The following RSPH14 variants were observed in gnomAD, a reference collection of about 807,000 sequenced individuals.
RSPH14 encodes the protein rhabdoid tumor deletion region gene 1.
Under a neutral mutation model 26.7 loss-of-function variants are expected in RSPH14, and 20 were observed. The ratio of observed to expected loss-of-function variants is 0.75; its 90% confidence interval spans 0.53 to 1.09. The LOEUF (loss-of-function observed/expected upper bound fraction) is 1.09. Ranked by LOEUF, RSPH14 falls within the 50% of genes least tolerant of loss-of-function variation. The pLI is 0.00. For synonymous variants in RSPH14, 177 were observed against 189.3 expected, an observed-to-expected ratio of 0.93 and a Z score of 0.53; for missense variants, 449 against 457.2, an observed-to-expected ratio of 0.98 and a Z score of 0.16.
chr22:23,115,272 G>GT (rs1224723985), intron 4 of RSPH14, among the ~76,000 whole-genome samples: 1 of 152,314 alleles, frequency 6.6e-6, no homozygotes. Flanking sequence ...GCTGAGGTAT[G>GT]TGACAAGGCT....
chr22:23,124,872 C>G (rs1218278297), intron 4 of RSPH14: 1 of 152,858 alleles, frequency 6.5e-6, no homozygotes, highest in Admixed American at 6.5e-5. Flanking sequence ...GGAGCCCTTG[C>G]CAGATCTCCC....
chr22:23,122,022 C>T (rs772607289), intron 4 of RSPH14, among the ~76,000 whole-genome samples: 2 of 152,168 alleles, frequency 1.3e-5, no homozygotes, highest in African/African-American at 4.8e-5. Flanking sequence ...TGAGCCACGG[C>T]GCCTGGCCAG....
At chr22:23,094,305 C>G (rs1354714202) in intron 4 of RSPH14, among the ~76,000 whole-genome samples, 2 of 152,160 alleles carry the variant, frequency 1.3e-5, no homozygotes, top group Non-Finnish European at 2.9e-5. Flanking sequence ...TTGAGCTGCC[C>G]CTCGTGTGGG....
intron 4 of RSPH14, among the ~76,000 whole-genome samples, chr22:23,064,339 G>C (rs976825369): frequency 4.6e-5 from 7 of 152,218 alleles, no homozygotes; most frequent in African/African-American, 1.7e-4. Context: ...CCATGTCAGG[G>C]GCTAAGGGCG....
intron 4 of RSPH14, chr22:23,132,638 A>T (rs75609213): frequency 0.48 from 72,757 of 151,774 alleles, 18,196 homozygotes; most frequent in Middle Eastern, 0.58. Flanking sequence ...ACAGAAAAAA[A>T]TCTATGATTA....
At chr22:23,068,831 GC>G (rs1392554125) in intron 4 of RSPH14, among the ~76,000 whole-genome samples, 1 of 152,220 alleles carries the variant, frequency 6.6e-6, no homozygotes, top group African/African-American at 2.4e-5. Flanking sequence ...TAGCACAGCT[GC>G]CGGTCTCTGT....
chr22:23,091,703 G>T (rs9624022), intron 4 of RSPH14, among the ~76,000 whole-genome samples: 1 of 151,984 alleles, frequency 6.6e-6, no homozygotes, highest in Non-Finnish European at 1.5e-5. Flanking sequence ...CACACGCACC[G>T]CAATGGACCT....
In RSPH14 at chr22:23,071,866, T is replaced by A. The variant is rs566510617; in HGVS notation, c.422-7733A>T. Among the ~76,000 whole-genome samples the A allele has an allele frequency of 2.6e-5, 4 of 152,018 alleles. No homozygotes were observed. The highest frequency in any genetic ancestry group is 5.9e-5 in the Non-Finnish European group (4 of 67,974). On this transcript the variant is annotated intron_variant, in intron 4 of 6. Coordinates refer to ENST00000216036, the MANE Select transcript of RSPH14 (RefSeq NM_014433.3). This position sits in a 1 kb window ranked among gnomAD's most constrained non-coding sequence, Gnocchi z 4.1. ...AGAATAGACCGAGGCACTTGGGCAG[T>A]TAGGTCTGATGGGAGCACTTAGCAT...
Position 23,079,662 on chromosome 22 carries a change from G to A in RSPH14, c.422-15529C>T, listed in dbSNP as rs189112807. Among the ~76,000 whole-genome samples the A allele has an allele frequency of 3.9e-3, 587 of 152,310 alleles. 1 individual carries two copies. Among genetic ancestry groups the A allele is most frequent in the African/African-American group, 0.012 (485 of 41,566 alleles). On this transcript the variant is annotated intron_variant, in intron 4 of 6. Transcript: ENST00000216036. Reference sequence around the variant, plus strand: ...CTGCTGGTGGAGCACAGGGCACAGGGGGCTGGAGACAGCAAGACCAGAGAA... The same window carrying A: ...CTGCTGGTGGAGCACAGGGCACAGGAGGCTGGAGACAGCAAGACCAGAGAA...
At chr22:23,153,279 C>G in the RSPH14 span, 1 of 683,506 alleles carries the variant, frequency 1.5e-6, no homozygotes, top group Non-Finnish European at 2.5e-6. Flanking sequence ...CACTTAGCTT[C>G]CTGGCTCCCA....
At chr22:23,135,317 CAAAAAAAAAAA>C (rs55649510) in intron 3 of RSPH14, among the ~76,000 whole-genome samples, 10 of 85,888 alleles carry the variant, frequency 1.2e-4, no homozygotes, top group African/African-American at 4.6e-4. Context: ...ACTAAAAATA[CAAAAAAAAAAA>C]AAAAAAAAAA....
intron 4 of RSPH14, among the ~76,000 whole-genome samples, chr22:23,078,275 C>T (rs192806497): frequency 6.6e-6 from 1 of 152,260 alleles, no homozygotes; most frequent in African/African-American, 2.4e-5. Flanking sequence ...ATCAAACTCT[C>T]TTTGTCCTCG....
intron 4 of RSPH14, among the ~76,000 whole-genome samples, chr22:23,069,263 T>A (rs935151914): frequency 6.6e-6 from 1 of 152,184 alleles, no homozygotes; most frequent in Non-Finnish European, 1.5e-5. Flanking sequence ...AATGGCATGA[T>A]CCACACCTTA....
chr22:23,074,551 C>A (rs1194960501), intron 4 of RSPH14, among the ~76,000 whole-genome samples: 1 of 152,138 alleles, frequency 6.6e-6, no homozygotes, highest in African/African-American at 2.4e-5. Context: ...CTGGAGGTGG[C>A]AACCTGGAGC....
Position 23,104,231 on chromosome 22 carries a change from A to G in RSPH14, c.421+29795T>C, listed in dbSNP as rs117558709. On this transcript the variant is annotated intron_variant, in intron 4 of 6. Transcript: ENST00000216036. ...CGGAGGACCAGGCGGTGTAAGGTCT[A>G]AGCAGGCAGGGCAAGGTCGCAGGCA... 4.2e-3 allele frequency among the ~76,000 whole-genome samples: 637 copies of G among 152,294 alleles called. 10 individuals carry two copies. The highest frequency in any genetic ancestry group is 0.027 in the East Asian group (140 of 5,178).
intron 4 of RSPH14, among the ~76,000 whole-genome samples, chr22:23,075,919 G>A (rs1468707048): frequency 6.6e-6 from 1 of 152,082 alleles, no homozygotes; most frequent in Non-Finnish European, 1.5e-5. Flanking sequence ...TCCTTTGTGA[G>A]GTCTGCCCCT....
At position 23,061,793 on chromosome 22, in the gene RSPH14, C is replaced by T. The variant is rs1441092962; in HGVS notation, c.790+16G>A. 1.2e-6 allele frequency: 2 copies of T among 1,612,432 alleles called. No individual in the cohort carries two copies. Among genetic ancestry groups the T allele is most frequent in the Middle Eastern group, 1.7e-4 (1 of 6,054 alleles). ...TGCTAGGGTCTCCCTCCCTGCGGCACCCCCCACCGCCTCACCTTCAGTGAT... is the reference window on the plus strand; with the variant it reads ...TGCTAGGGTCTCCCTCCCTGCGGCATCCCCCACCGCCTCACCTTCAGTGAT... On this transcript the variant is annotated intron_variant, in intron 6 of 6. Transcript: ENST00000216036.
chr22:23,156,101 G>C, the RSPH14 span: 1 of 1,417,304 alleles, frequency 7.1e-7, no homozygotes, highest in Middle Eastern at 1.8e-4. Flanking sequence ...TCCACAGTGG[G>C]AATCCCGAGT....
the RSPH14 span, chr22:23,158,147 G>A: frequency 6.5e-7 from 1 of 1,548,526 alleles, no homozygotes. Context: ...TGGTGGGTGT[G>A]AGTGACCAGG....
Sources: gnomAD v4.1 joint callset for allele counts (sites outside exome capture counted in the v4.1 genomes callset) on GRCh38, gnomAD v4.1.1 for gene constraint, Gnocchi (gnomAD v3.1) non-coding constraint, MANE v1.5 for transcripts, NCBI Gene and HGNC (gene_info 2026-07-23, HGNC 2026-07-21) for gene names.